The following FARP1 variants were observed in gnomAD, a reference collection of about 807,000 sequenced individuals.
FARP1 encodes the protein FERM, ARH/RhoGEF and pleckstrin domain protein 1, also known as FERM, ARHGEF and pleckstrin domain-containing protein 1.
A neutral mutation model predicts 128.8 loss-of-function variants in FARP1; 52 were observed. That is an observed-to-expected ratio of 0.40 (90% CI 0.32 to 0.51). FARP1 has a LOEUF of 0.51. FARP1 is among the 20% of genes least tolerant of loss of function. The pLI, the probability that FARP1 is intolerant of heterozygous loss-of-function variation, is 0.45. For synonymous variants in FARP1, 580 were observed against 551.8 expected (o/e 1.05, Z -0.72); for missense variants, 1,333 against 1,367.9 (o/e 0.97, Z 0.40).
chr13:98,144,457 T>C (rs1254682788), intron 1 of FARP1, among the ~76,000 whole-genome samples: 3 of 152,174 alleles, frequency 2.0e-5, no homozygotes, highest in African/African-American at 2.4e-5. Context: ...CTCCCAGCCC[T>C]GGGGAGTACC....
chr13:98,334,240 G>C (rs1452312295), intron 2 of FARP1: 2 of 152,186 alleles, frequency 1.3e-5, no homozygotes, highest in African/African-American at 4.8e-5. Flanking sequence ...AATCCCTTCT[G>C]CCCACAGGGT....
chr13:98,351,878 G>T (rs1165090464), intron 3 of FARP1, among the ~76,000 whole-genome samples: 2 of 152,030 alleles, frequency 1.3e-5, no homozygotes, highest in African/African-American at 4.8e-5. Context: ...ACCCGTCCCC[G>T]TGAACCAGTC....
chr13:98,354,354 A>T (rs1888557417), intron 3 of FARP1, among the ~76,000 whole-genome samples: 1 of 152,208 alleles, frequency 6.6e-6, no homozygotes, highest in Non-Finnish European at 1.5e-5. Context: ...TGTTGTCAAA[A>T]AGGGAAGGTA....
Position 98,383,989 on chromosome 13 carries a change from G to A in FARP1, c.497-741G>A, listed in dbSNP as rs561537958. On this transcript the variant is annotated intron_variant, in intron 6 of 26. Coordinates refer to ENST00000319562, the MANE Select transcript of FARP1 (RefSeq NM_005766.4). The stretch of plus-strand genomic sequence containing the variant: ...TTTCTCTGCATGATAAAGCATTTGC[G>A]TTTTGCACTAGTCATTGCTAATATA... 4.6e-5 allele frequency: 7 copies of A among 152,198 alleles called. No individual in the cohort carries two copies. In the East Asian group the frequency reaches 7.7e-4, roughly 17 times the overall value. The allele number at this position is 152,198 out of a possible 1,614,324, so 9.4% of individuals were successfully genotyped here.
In FARP1 at chr13:98,454,416, C is replaced by G. The variant is rs902682905; in HGVS notation, c.*6099C>G. The stretch of plus-strand genomic sequence containing the variant: ...TGTCTTTGACCAGGCTTATCTCAAA[C>G]GTTCCAATCTAGAGCTCCTCTTTTC... On this transcript the variant is annotated 3_prime_UTR_variant, in exon 27 of 27. Coordinates refer to ENST00000319562, the MANE Select transcript of FARP1 (RefSeq NM_005766.4). 14 of 152,196 alleles carry G rather than the reference C, an allele frequency of 9.2e-5. No homozygotes were observed. The highest frequency in any genetic ancestry group is 2.7e-4 in the African/African-American group (11 of 41,442). The allele number at this position is 152,196 out of a possible 1,614,324, so 9.4% of individuals were successfully genotyped here. A position where few individuals can be genotyped will look rare whatever the true frequency, so the allele number is the denominator to read the frequency against.
chr13:98,393,038 G>A (rs1029283765), intron 11 of FARP1, among the ~76,000 whole-genome samples: 12 of 152,146 alleles, frequency 7.9e-5, no homozygotes, highest in African/African-American at 2.9e-4. Context: ...TGAATTTCAG[G>A]ACCTGAGCAT....
chr13:98,324,627 G>T (rs1451413160), intron 2 of FARP1, among the ~76,000 whole-genome samples: 1 of 152,182 alleles, frequency 6.6e-6, no homozygotes, highest in Non-Finnish European at 1.5e-5. Context: ...TGTACTCACT[G>T]GTCTATTTTC....
At chr13:98,407,087 T>C (rs957135187) in intron 13 of FARP1, 3 of 152,714 alleles carry the variant, frequency 2.0e-5, no homozygotes, top group Non-Finnish European at 2.9e-5. Context: ...AATGATGAGG[T>C]GAATGCTTTT....
At chr13:98,227,050 C>T (rs1053811300) in intron 2 of FARP1, among the ~76,000 whole-genome samples, 2 of 152,010 alleles carry the variant, frequency 1.3e-5, no homozygotes, top group Non-Finnish European at 1.5e-5. Context: ...ACGTCATTCT[C>T]TAGCCTCAGC....
intron 24 of FARP1, among the ~76,000 whole-genome samples, chr13:98,442,755 C>G (rs551896735): frequency 6.6e-6 from 1 of 152,228 alleles, no homozygotes; most frequent in Non-Finnish European, 1.5e-5. Context: ...GAAACGAGGC[C>G]TCATCAGATC....
At chr13:98,419,967 C>A (rs1891533353) in intron 16 of FARP1, among the ~76,000 whole-genome samples, 1 of 152,080 alleles carries the variant, frequency 6.6e-6, no homozygotes, top group Non-Finnish European at 1.5e-5. Flanking sequence ...CCAGTCACTG[C>A]CCTCTTTCAT....
At chr13:98,432,388 G>A (rs1192702136) in intron 18 of FARP1, 1 of 152,330 alleles carries the variant, frequency 6.6e-6, no homozygotes, top group Non-Finnish European at 1.5e-5. Context: ...TCACTCAGAG[G>A]TCAGAGCCGC....
At chr13:98,254,223 A>T in intron 2 of FARP1, among the ~76,000 whole-genome samples, 1 of 152,216 alleles carries the variant, frequency 6.6e-6, no homozygotes, top group East Asian at 1.9e-4. Context: ...AATACATGCC[A>T]TTATTGGTGT....
chr13:98,256,948 G>GTATATAT (rs59128917), intron 2 of FARP1, among the ~76,000 whole-genome samples: 1 of 77,076 alleles, frequency 1.3e-5, no homozygotes, highest in Non-Finnish European at 2.7e-5. Flanking sequence ...TATATATGTG[G>GTATATAT]ATATATATAT....
intron 2 of FARP1, among the ~76,000 whole-genome samples, chr13:98,342,592 C>G (rs1254622693): frequency 6.6e-6 from 1 of 151,736 alleles, no homozygotes. Context: ...CCCAGCTACT[C>G]GGGAGGCCGA....
chr13:98,370,921 C>G (rs7325981), intron 5 of FARP1, among the ~76,000 whole-genome samples: 1 of 152,126 alleles, frequency 6.6e-6, no homozygotes, highest in African/African-American at 2.4e-5. Context: ...AGGGACAGCC[C>G]GAGCTGCTAA....
At chr13:98,368,038 A>G in intron 4 of FARP1, 79 bp from the exon 5 acceptor site, 1 of 1,144,162 alleles carries the variant, frequency 8.7e-7, no homozygotes. Flanking sequence ...CATTATTTGT[A>G]TTTGTAAAGT....
intron 6 of FARP1, among the ~76,000 whole-genome samples, chr13:98,379,568 C>T (rs1889810236): frequency 6.6e-6 from 1 of 152,036 alleles, no homozygotes; most frequent in African/African-American, 2.4e-5. Flanking sequence ...GTAGCATACA[C>T]AGTTGTCCTT....
chr13:98,448,070 C>T (rs1166831183), intron 26 of FARP1, 166 bp from the exon 27 acceptor site: 4 of 651,842 alleles, frequency 6.1e-6, no homozygotes, highest in Non-Finnish European at 1.1e-5. Flanking sequence ...CTCCACTGTA[C>T]CTCAGGAACG....
Sources: allele counts gnomAD v4.1 joint callset (sites outside exome capture counted in the v4.1 genomes callset), GRCh38; gene constraint gnomAD v4.1.1; transcripts MANE v1.5; gene names NCBI Gene and HGNC (gene_info 2026-07-23, HGNC 2026-07-21).